The following MYH7B variants were observed in gnomAD, a reference collection of about 807,000 sequenced individuals.
MYH7B encodes the protein myosin heavy chain 7B.
In MYH7B, 205 loss-of-function variants were observed where a neutral mutation model predicts 234.5. The observed-to-expected ratio is 0.87, with a 90% CI of 0.78 to 0.98. The LOEUF (loss-of-function observed/expected upper bound fraction) is 0.98. Among genes scored for constraint, MYH7B ranks in the 50% least tolerant of loss-of-function variants. MYH7B has a pLI of 0.00. For synonymous variants in MYH7B, 1,193 were observed against 1,105.0 expected (o/e 1.08, Z -1.58); for missense variants, 2,652 against 2,633.4 (o/e 1.01, Z -0.15).
At chr20:34,969,939 T>C (rs1323721062) in intron 2 of MYH7B, among the ~76,000 whole-genome samples, 1 of 152,072 alleles carries the variant, frequency 6.6e-6, no homozygotes, top group Admixed American at 6.6e-5. Flanking sequence ...ATTCTAAGCA[T>C]TTTAGATGGT....
intron 2 of MYH7B, among the ~76,000 whole-genome samples, chr20:34,972,296 C>T (rs1412530886): frequency 6.6e-6 from 1 of 152,016 alleles, no homozygotes; most frequent in African/African-American, 2.4e-5. Context: ...TTAAACATCC[C>T]AAGCTGTTTT....
intron 9 of MYH7B, 123 bp from the exon 10 acceptor site, chr20:34,982,336 T>C: frequency 1.3e-6 from 1 of 791,592 alleles, no homozygotes; most frequent in Non-Finnish European, 2.1e-6. Context: ...GGTTGATCCA[T>C]CCTTGGGGGT....
At chr20:34,981,270 A>C (rs1425143989) in intron 9 of MYH7B, 1 of 554,616 alleles carries the variant, frequency 1.8e-6, no homozygotes, top group Non-Finnish European at 3.1e-6. Context: ...GGGGATAGGG[A>C]GGGGACACCC....
At position 34,983,028 on chromosome 20, in the gene MYH7B, G is replaced by A. The variant is rs2081962346; in HGVS notation, c.624+473G>A. Among the ~76,000 whole-genome samples the A allele has an allele frequency of 1.3e-5, 2 of 152,102 alleles. 1 individual carries two copies. Among genetic ancestry groups the A allele is most frequent in the East Asian group, 3.8e-4 (2 of 5,196 alleles). The stretch of plus-strand genomic sequence containing the variant: ...GCCTTGTGATTTCTGTACAGTTTTT[G>A]GAAATTTCTGAAACAATGGGGCCAA... On this transcript the variant is annotated intron_variant, in intron 10 of 44. Transcript: ENST00000262873.
intron 32 of MYH7B, among the ~76,000 whole-genome samples, chr20:34,998,031 G>A (rs6058154): frequency 0.39 from 58,699 of 151,910 alleles, 12,740 homozygotes; most frequent in East Asian, 0.58. Context: ...TCTGACCATT[G>A]TCCCCAGGTG....
chr20:34,966,155 C>G (rs2081739541), intron 2 of MYH7B, among the ~76,000 whole-genome samples: 1 of 152,152 alleles, frequency 6.6e-6, no homozygotes, highest in Non-Finnish European at 1.5e-5. Context: ...CCACTGACTC[C>G]CAGATGGGTT....
chr20:34,989,895 C>T (rs369651613), exon 20 of MYH7B: 22 of 1,614,016 alleles, frequency 1.4e-5, no homozygotes, highest in African/African-American at 5.3e-5. Flanking sequence ...AGGCCCACTT[C>T]GAGGTGGTCC....
At chr20:34,994,151 C>T (rs778630346) in exon 27 of MYH7B, 14 of 1,612,516 alleles carry the variant, frequency 8.7e-6, no homozygotes, top group East Asian at 4.5e-5. Context: ...CCTAGGGATG[C>T]GCTGTTCACC....
chr20:34,957,443 T>A (rs910002991), intron 1 of MYH7B, among the ~76,000 whole-genome samples: 3 of 150,234 alleles, frequency 2.0e-5, no homozygotes, highest in Non-Finnish European at 4.4e-5. Context: ...CTAGTGATCG[T>A]AAATCAGTGG....
intron 24 of MYH7B, among the ~76,000 whole-genome samples, chr20:34,992,183 A>G (rs896441296): frequency 6.6e-6 from 1 of 152,190 alleles, no homozygotes; most frequent in Non-Finnish European, 1.5e-5. Flanking sequence ...CAGGAGATCG[A>G]GACCATCCTG....
At chr20:34,972,777 G>A (rs1018568983) in intron 2 of MYH7B, among the ~76,000 whole-genome samples, 4 of 152,076 alleles carry the variant, frequency 2.6e-5, no homozygotes, top group Non-Finnish European at 4.4e-5. Flanking sequence ...GATTGTAGGC[G>A]TGTACCATCA....
intron 9 of MYH7B, 98 bp downstream of exon 9, chr20:34,981,158 T>C: frequency 6.6e-7 from 1 of 1,508,510 alleles, no homozygotes; most frequent in South Asian, 1.1e-5. Context: ...TCCAAAGTGC[T>C]TAGGCCAGGA....
At chr20:34,996,714 T>A (rs2082266669) in exon 30 of MYH7B, 12 of 1,613,482 alleles carry the variant, frequency 7.4e-6, no homozygotes, top group African/African-American at 1.3e-5. Context: ...AGTCGGTGGC[T>A]GATGCTGCTC....
chr20:35,001,960 A>G, exon 44 of MYH7B: 2 of 1,613,346 alleles, frequency 1.2e-6, no homozygotes, highest in Non-Finnish European at 1.7e-6. Flanking sequence ...GCAGCAGGCC[A>G]ACACCAACCT....
intron 2 of MYH7B, among the ~76,000 whole-genome samples, chr20:34,966,132 T>G (rs1377480118): frequency 6.6e-6 from 1 of 152,162 alleles, no homozygotes; most frequent in Admixed American, 6.5e-5. Context: ...AACAAGAATT[T>G]GGAGGCTGCA....
At chr20:34,967,504 C>G (rs1157615394) in intron 2 of MYH7B, among the ~76,000 whole-genome samples, 2 of 151,992 alleles carry the variant, frequency 1.3e-5, no homozygotes, top group Non-Finnish European at 2.9e-5. Flanking sequence ...CCCTCTGCCC[C>G]TCACCCCTCA....
rs910692595 is a variant in MYH7B at position 34,960,624 on chromosome 20, C to A, written c.-222+2412C>A. ...GCATCTGTGCACATGGCTACTGTCTCTTTTTAGCAGTGATATCACCCTGCC... is the reference window on the plus strand; with the variant it reads ...GCATCTGTGCACATGGCTACTGTCTATTTTTAGCAGTGATATCACCCTGCC... On this transcript the variant is annotated intron_variant, in intron 2 of 44. Transcript: ENST00000262873. 3.1e-4 allele frequency among the ~76,000 whole-genome samples: 47 copies of A among 152,202 alleles called. 1 individual carries two copies. The highest frequency in any genetic ancestry group is 1.1e-3 in the African/African-American group (46 of 41,456).
intron 16 of MYH7B, 64 bp from the exon 17 acceptor site, chr20:34,987,493 G>A: frequency 1.4e-6 from 2 of 1,471,460 alleles, no homozygotes; most frequent in Admixed American, 1.8e-5. Context: ...CCAGGCTGAG[G>A]CAGTAGAGCC....
At chr20:34,982,709 C>G (rs1367039898) in intron 10 of MYH7B, among the ~76,000 whole-genome samples, 154 bp downstream of exon 10, 1 of 152,054 alleles carries the variant, frequency 6.6e-6, no homozygotes, top group Non-Finnish European at 1.5e-5. Context: ...GGGACTCTGG[C>G]CTGAGCAAGG....
Sources: allele counts gnomAD v4.1 joint callset (sites outside exome capture counted in the v4.1 genomes callset), GRCh38; gene constraint gnomAD v4.1.1; transcripts MANE v1.5; gene names NCBI Gene and HGNC (gene_info 2026-07-23, HGNC 2026-07-21).